ASPG: variants seen among roughly 807,000 people sequenced by gnomAD.
ASPG encodes the protein 60 kDa lysophospholipase.
Under a neutral mutation model 63.2 loss-of-function variants are expected in ASPG, and 53 were observed. That is an observed-to-expected ratio of 0.84 (90% CI 0.67 to 1.05). The LOEUF (loss-of-function observed/expected upper bound fraction) is 1.05. Among genes scored for constraint, ASPG ranks in the 50% least tolerant of loss-of-function variants. ASPG has a pLI of 0.00. For synonymous variants in ASPG, 370 were observed against 355.0 expected (o/e 1.04, Z -0.48); for missense variants, 741 against 794.4 (o/e 0.93, Z 0.81).
rs964826209 is a variant in ASPG at position 104,109,460 on chromosome 14, C to G, written c.1520+145C>G. 1.1e-6 allele frequency: 1 copy of G among 877,558 alleles called. No individual in the cohort carries two copies. The highest frequency in any genetic ancestry group is 2.7e-5 in the Admixed American group (1 of 37,430). The allele number at this position is 877,558 out of a possible 1,614,324, so 54.4% of individuals were successfully genotyped here. A position where few individuals can be genotyped will look rare whatever the true frequency, so the allele number is the denominator to read the frequency against. Reference sequence around the variant, plus strand: ...CCCGCTGACCTCAGTGTGCACCAACCTGGCTGATGGGAAGAGGTGTCTACC... The same window carrying G: ...CCCGCTGACCTCAGTGTGCACCAACGTGGCTGATGGGAAGAGGTGTCTACC... On this transcript the variant is annotated intron_variant, in intron 13 of 15. Transcript: ENST00000551177. The surrounding 1 kb of genome is among the most constrained non-coding windows in gnomAD (Gnocchi z 4.8).
At chr14:104,106,231 T>C (rs960256126) in intron 10 of ASPG, among the ~76,000 whole-genome samples, 2 of 152,242 alleles carry the variant, frequency 1.3e-5, no homozygotes, top group Non-Finnish European at 2.9e-5. Context: ...CCAGGCCACG[T>C]TGTACCCGCT....
At chr14:104,089,562 G>T (rs2036306350) in intron 1 of ASPG, among the ~76,000 whole-genome samples, 1 of 152,236 alleles carries the variant, frequency 6.6e-6, no homozygotes, top group Non-Finnish European at 1.5e-5. Context: ...CTGTTAGAAT[G>T]GCTGCTGACG....
In ASPG at chr14:104,109,897, A is replaced by C; in HGVS notation, c.1520+582A>C. ...GCCGAGTGACCACCGAGGCAGGCTC[A>C]GGCCTTCTGACATCATGTTGTTGTT... On this transcript the variant is annotated intron_variant, in intron 13 of 15. Transcript: ENST00000551177. This position sits in a 1 kb window ranked among gnomAD's most constrained non-coding sequence, Gnocchi z 4.8. 1.0e-6 allele frequency: 1 copy of C among 957,436 alleles called. No homozygotes were observed. The highest frequency in any genetic ancestry group is 1.2e-6 in the Non-Finnish European group (1 of 804,544). The allele number at this position is 957,436 out of a possible 1,614,324, so 59.3% of individuals were successfully genotyped here.
At position 104,104,675 on chromosome 14, in the gene ASPG, C is replaced by G; in HGVS notation, c.990C>G (p.Ala330=). The change falls in exon 9 of 16, where the codon GCC becomes GCG. Residue 330 remains alanine (A), a synonymous_variant. Coordinates refer to ENST00000551177, the MANE Select transcript of ASPG (RefSeq NM_001080464.3). ...GCTTCGACATGACATCGGAGGCCGC[C>G]CTGGCCAAGCTATCGTATGTGCTGG... ...ISGFDMTSEA[A]LAKLSYVLGQ... 6.2e-7 allele frequency: 1 copy of G among 1,611,098 alleles called. No homozygotes were observed. The highest frequency in any genetic ancestry group is 8.5e-7 in the Non-Finnish European group (1 of 1,178,906).
rs942764673 is a variant in ASPG at position 104,103,672 on chromosome 14, C to A, written c.750C>A (p.Ala250=). The change falls in exon 7 of 16, where the codon GCC becomes GCA. Residue 250 remains alanine (A), a synonymous_variant. Coordinates refer to ENST00000551177, the MANE Select transcript of ASPG (RefSeq NM_001080464.3). ...GCCTCTACCCTGGGATCCCTGCCGC[C>A]CTGGTAGGGACCGCCCCGGCCATCC... The part of the protein sequence containing the change: ...LLRLYPGIPA[A]LVRAFLQPPL... 1 of 1,546,900 alleles carries A rather than the reference C, an allele frequency of 6.5e-7. No homozygotes were observed.
Position 104,085,729 on chromosome 14 carries a change from C to A in ASPG, c.-42C>A. 2 of 1,510,312 alleles carry A rather than the reference C, an allele frequency of 1.3e-6. No homozygotes were observed. The highest frequency in any genetic ancestry group is 1.8e-6 in the Non-Finnish European group (2 of 1,137,658). 93.6% of individuals were successfully genotyped at this position (1,510,312 alleles called of 1,614,324 possible). A position where few individuals can be genotyped will look rare whatever the true frequency, so the allele number is the denominator to read the frequency against. On this transcript the variant is annotated 5_prime_UTR_variant, in exon 1 of 16. Coordinates refer to ENST00000551177, the MANE Select transcript of ASPG (RefSeq NM_001080464.3). ...CCTGAGTCCCGCAGGCCCTGCGTCC[C>A]CGCTGCACACCCCCGTCCACTCCCG...
rs962769392 is a variant in ASPG at position 104,110,691 on chromosome 14, C to T, written c.1521-811C>T. 29 of 985,196 alleles carry T rather than the reference C, an allele frequency of 2.9e-5. No homozygotes were observed. The highest frequency in any genetic ancestry group is 1.8e-4 in the Admixed American group (3 of 16,268). 61.0% of individuals were successfully genotyped at this position (985,196 alleles called of 1,614,324 possible). A position where few individuals can be genotyped will look rare whatever the true frequency, so the allele number is the denominator to read the frequency against. ...GGGCTGCTGCTGTTTCCTGGGTAGG[C>T]GCAGAGTCCCTAAGGGCCCTCCAGA... On this transcript the variant is annotated intron_variant, in intron 13 of 15. Transcript: ENST00000551177. The surrounding 1 kb of genome is among the most constrained non-coding windows in gnomAD (Gnocchi z 4.7).
In ASPG at chr14:104,110,613, G is replaced by T. The variant is rs1001994590; in HGVS notation, c.1521-889G>T. The T allele has an allele frequency of 3.0e-6, 3 of 985,146 alleles. No homozygotes were observed. In the African/African-American group the frequency reaches 5.2e-5, roughly 17 times the overall value. 61.0% of individuals were successfully genotyped at this position (985,146 alleles called of 1,614,324 possible). On this transcript the variant is annotated intron_variant, in intron 13 of 15. Coordinates refer to ENST00000551177, the MANE Select transcript of ASPG (RefSeq NM_001080464.3). This position sits in a 1 kb window ranked among gnomAD's most constrained non-coding sequence, Gnocchi z 4.7. ...GCCTCTTGGAGCAGGTCCAGGAGGG[G>T]CCAGTGAGGCCATCCAGCAGATTCG...
chr14:104,093,654 A>T (rs144896687), intron 3 of ASPG, 52 bp downstream of exon 3: 6,844 of 359,856 alleles, frequency 0.019, 32 homozygotes, highest in Middle Eastern at 0.025. Context: ...GGTGGGGCTG[A>T]GGTGTGTGGG....
Position 104,114,004 on chromosome 14 carries a change from C to A in ASPG, c.*1460C>A, listed in dbSNP as rs966644041. ...GTGCAGGTGAGAAGGGGTGGGACTA[C>A]CTCCGGCATCCCTGGGCTGAGCCCA... On this transcript the variant is annotated 3_prime_UTR_variant, in exon 16 of 16. Transcript: ENST00000551177. 8.5e-5 allele frequency: 13 copies of A among 152,354 alleles called. No homozygotes were observed. Among genetic ancestry groups the A allele is most frequent in the African/African-American group, 3.1e-4 (13 of 41,470 alleles). The allele number at this position is 152,354 out of a possible 1,614,324, so 9.4% of individuals were successfully genotyped here.
rs2141029200 is a variant in ASPG at position 104,103,636 on chromosome 14, G to A, written c.714G>A (p.Val238=). Residue 238 remains valine (V), a synonymous_variant, in exon 7 of 16, where the codon GTG becomes GTA. Coordinates refer to ENST00000551177, the MANE Select transcript of ASPG (RefSeq NM_001080464.3). ...TGCACAGCAGCATGGAGCAGGACGT[G>A]GGCCTGCTGCGCCTCTACCCTGGGA... ...LVVHSSMEQD[V]GLLRLYPGIP... is the part of the protein sequence containing the mutation. The A allele has an allele frequency of 1.3e-6, 2 of 1,548,078 alleles. No homozygotes were observed. Among genetic ancestry groups the A allele is most frequent in the Non-Finnish European group, 1.7e-6 (2 of 1,146,728 alleles).
At position 104,085,816 on chromosome 14, in the gene ASPG, A is replaced by G; in HGVS notation, c.46A>G (p.Thr16Ala). 6.3e-7 allele frequency: 1 copy of G among 1,591,122 alleles called. No homozygotes were observed. The change falls in exon 1 of 16, where the codon ACC (threonine) becomes GCC (alanine). Residue 16 changes from threonine to alanine, a missense_variant. Coordinates refer to ENST00000551177, the MANE Select transcript of ASPG (RefSeq NM_001080464.3). ...GPERRLLAVY[T>A]GGTIGMRSEL... is the part of the protein sequence containing the mutation. ...CGAGCGGAGGCTGCTGGCCGTCTAC[A>G]CCGGCGGCACCATTGGCATGCGGAG...
chr14:104,091,751 G>A lies in ASPG; in HGVS notation c.83-882G>A, dbSNP rs1460346115. ...ATGGGTACAGCTGCAGAGGGCGAGG[G>A]GGGAAAGCAGGTGACCATGGCTGGG... On this transcript the variant is annotated intron_variant, in intron 1 of 15. Coordinates refer to ENST00000551177, the MANE Select transcript of ASPG (RefSeq NM_001080464.3). The surrounding 1 kb of genome is among the most constrained non-coding windows in gnomAD (Gnocchi z 6.4). Among the ~76,000 whole-genome samples, 1 of 151,884 alleles carries A rather than the reference G, an allele frequency of 6.6e-6. No homozygotes were observed. Among genetic ancestry groups the A allele is most frequent in the Middle Eastern group, 3.2e-3 (1 of 316 alleles).
Position 104,097,648 on chromosome 14 carries a change from G to A in ASPG, c.513+11G>A. ...TATGTGATCCCAGAGGTACCTGCCT[G>A]GTGCACGTGGAGGCGGGGCAGGTGG... On this transcript the variant is annotated intron_variant, in intron 5 of 15. Coordinates refer to ENST00000551177, the MANE Select transcript of ASPG (RefSeq NM_001080464.3). 1.3e-6 allele frequency: 2 copies of A among 1,558,182 alleles called. No individual in the cohort carries two copies. The highest frequency in any genetic ancestry group is 1.7e-6 in the Non-Finnish European group (2 of 1,151,998).
Position 104,104,624 on chromosome 14 carries a change from C to T in ASPG, c.939C>T (p.Ala313=). The T allele has an allele frequency of 6.2e-7, 1 of 1,606,796 alleles. No homozygotes were observed. Among genetic ancestry groups the T allele is most frequent in the Non-Finnish European group, 8.5e-7 (1 of 1,176,292 alleles). The change falls in exon 9 of 16, where the codon GCC becomes GCT. Residue 313 remains alanine (A), a splice_region_variant and synonymous_variant. Coordinates refer to ENST00000551177, the MANE Select transcript of ASPG (RefSeq NM_001080464.3). ...AVTTDYAAGM[A]MAGAGVISGF... ...GCCCACACGCCCCCTCCTCACAGGC[C>T]ATGGCGGGAGCCGGCGTCATCTCAG...
chr14:104,097,740 T>C, intron 5 of ASPG, 103 bp downstream of exon 5: 2 of 1,015,816 alleles, frequency 2.0e-6, no homozygotes, highest in Non-Finnish European at 2.9e-6. Flanking sequence ...CAGACGCCAC[T>C]GCCAATAGCT....
At position 104,104,654 on chromosome 14, in the gene ASPG, C is replaced by G; in HGVS notation, c.969C>G (p.Phe323Leu). ...AMAGAGVISG[F>L]DMTSEAALAK... ...CGGGAGCCGGCGTCATCTCAGGCTTCGACATGACATCGGAGGCCGCCCTGG... is the reference window on the plus strand; with the variant it reads ...CGGGAGCCGGCGTCATCTCAGGCTTGGACATGACATCGGAGGCCGCCCTGG... The change falls in exon 9 of 16, where the codon TTC becomes TTG. Residue 323 changes from phenylalanine (F) to leucine (L), a missense_variant. Transcript: ENST00000551177. 1 of 1,610,944 alleles carries G rather than the reference C, an allele frequency of 6.2e-7. No homozygotes were observed. The highest frequency in any genetic ancestry group is 8.5e-7 in the Non-Finnish European group (1 of 1,178,826).
At position 104,091,330 on chromosome 14, in the gene ASPG, C is replaced by T. The variant is rs149376664; in HGVS notation, c.83-1303C>T. 8.3e-4 allele frequency among the ~76,000 whole-genome samples: 126 copies of T among 152,206 alleles called. 1 individual carries two copies. The highest frequency in any genetic ancestry group is 4.7e-3 in the Admixed American group (72 of 15,286). On this transcript the variant is annotated intron_variant, in intron 1 of 15. Transcript: ENST00000551177. The surrounding 1 kb of genome is among the most constrained non-coding windows in gnomAD (Gnocchi z 6.4). ...AATCCAGACCTTTGTTCCGGCAGCC[C>T]GTGTCCTGGCTGTGCTCTGGGCGCC...
At position 104,091,828 on chromosome 14, in the gene ASPG, G is replaced by T. The variant is rs1462521659; in HGVS notation, c.83-805G>T. On this transcript the variant is annotated intron_variant, in intron 1 of 15. Transcript: ENST00000551177. The surrounding 1 kb of genome is among the most constrained non-coding windows in gnomAD (Gnocchi z 6.4). ...TGCTGGGGGAGGGAAGGGAGGGCCG[G>T]GAGGGAGCTTTGGGACTTGCTGGAG... Among the ~76,000 whole-genome samples, 1 of 151,968 alleles carries T rather than the reference G, an allele frequency of 6.6e-6. No individual in the cohort carries two copies. The highest frequency in any genetic ancestry group is 1.9e-4 in the East Asian group (1 of 5,174).
Sources: gnomAD v4.1 joint callset for allele counts (sites outside exome capture counted in the v4.1 genomes callset) on GRCh38, gnomAD v4.1.1 for gene constraint, Gnocchi (gnomAD v3.1) non-coding constraint, MANE v1.5 for transcripts, NCBI Gene and HGNC (gene_info 2026-07-23, HGNC 2026-07-21) for gene names.